Variants in SUZ12 observed in about 807,000 individuals in gnomAD.
SUZ12 encodes polycomb protein SUZ12.
A neutral mutation model predicts 87.3 loss-of-function variants in SUZ12; 17 were observed. That is an observed-to-expected ratio of 0.19 (90% confidence interval 0.13 to 0.29). The LOEUF (loss-of-function observed/expected upper bound fraction) is 0.29, where lower values mean the gene tolerates loss of function less well. Ranked by LOEUF, SUZ12 falls within the 10% of genes least tolerant of loss-of-function variation. The probability of loss-of-function intolerance (pLI) is 1.00; values close to 1 mark genes in which losing one functional copy is unlikely to be tolerated. For missense variants in SUZ12, 526 were observed against 912.2 expected (o/e 0.58, Z 5.45); for synonymous variants, 253 against 312.4 (o/e 0.81, Z 2.01).
intron 3 of SUZ12, among the ~76,000 whole-genome samples, chr17:31,942,504 T>A (rs1274074354): frequency 6.6e-6 from 1 of 151,916 alleles, no homozygotes; most frequent in Non-Finnish European, 1.5e-5. Flanking sequence ...CCTGGCTAAT[T>A]TTTTGTATTT....
At position 31,975,863 on chromosome 17, in the gene SUZ12, T is replaced by G. The variant is rs559880005; in HGVS notation, c.823+150T>G. The G allele has an allele frequency of 1.1e-5, 7 of 641,806 alleles. No homozygotes were observed. In the African/African-American group the frequency reaches 1.3e-4, roughly 12 times the overall value. 39.8% of individuals were successfully genotyped at this position (641,806 alleles called of 1,614,324 possible). A position where few individuals can be genotyped will look rare whatever the true frequency, so the allele number is the denominator to read the frequency against. On this transcript the variant is annotated intron_variant, in intron 7 of 15. Transcript: ENST00000322652. ...ACCTCAACATTTTGTTGTGCAAATT[T>G]TCAAACATAAAGGACAATGAGAAGT...
chr17:31,999,093 T>A lies in SUZ12; in HGVS notation c.*90T>A, dbSNP rs1000421702. The A allele has an allele frequency of 1.5e-5, 17 of 1,145,360 alleles. No homozygotes were observed. The South Asian group carries it at 3.1e-4, about 21-fold the overall frequency. 70.9% of individuals were successfully genotyped at this position (1,145,360 alleles called of 1,614,324 possible). A position where few individuals can be genotyped will look rare whatever the true frequency, so the allele number is the denominator to read the frequency against. On this transcript the variant is annotated 3_prime_UTR_variant, in exon 16 of 16. Transcript: ENST00000322652. ...AATTATGTTTTTGTTTTTAATCATA[T>A]GTTCCAAACAGGCACTGTTAGATGA...
At chr17:31,976,149 A>G (rs1306441183) in intron 7 of SUZ12, among the ~76,000 whole-genome samples, 2 of 152,022 alleles carry the variant, frequency 1.3e-5, no homozygotes, top group Admixed American at 1.3e-4. Context: ...ATTGCAGCAA[A>G]ATGATGAGTG....
At chr17:31,994,236 A>G (rs531840196) in intron 12 of SUZ12, 6 of 460,566 alleles carry the variant, frequency 1.3e-5, no homozygotes, top group Non-Finnish European at 2.3e-5. Flanking sequence ...CAGAGTTGAC[A>G]TATATTTGGA....
At chr17:31,938,683 T>G (rs927779763) in intron 1 of SUZ12, among the ~76,000 whole-genome samples, 12 of 152,220 alleles carry the variant, frequency 7.9e-5, no homozygotes, top group African/African-American at 2.9e-4. Context: ...TGAAGGGCAG[T>G]GGTGACAATA....
At chr17:31,941,195 G>A (rs927105917) in intron 3 of SUZ12, among the ~76,000 whole-genome samples, 2 of 148,866 alleles carry the variant, frequency 1.3e-5, no homozygotes, top group African/African-American at 2.5e-5. Flanking sequence ...TCCGCCTCCT[G>A]GGTTCATGCC....
chr17:31,993,156 TTTAATATTTAA>T, intron 10 of SUZ12, 75 bp from the exon 11 acceptor site: 1 of 795,552 alleles, frequency 1.3e-6, no homozygotes, highest in South Asian at 2.0e-5. Flanking sequence ...CTGTGAAACC[TTTAATATTTAA>T]TAGTTTTTGT....
intron 10 of SUZ12, among the ~76,000 whole-genome samples, chr17:31,989,518 A>G (rs1233600678): frequency 6.6e-6 from 1 of 152,190 alleles, no homozygotes; most frequent in Non-Finnish European, 1.5e-5. Flanking sequence ...CAAGAAAACT[A>G]TTGGTTTTCA....
At chr17:31,939,144 C>T (rs1056649) in intron 1 of SUZ12, among the ~76,000 whole-genome samples, 6 of 152,086 alleles carry the variant, frequency 3.9e-5, no homozygotes, top group Non-Finnish European at 7.4e-5. Context: ...GTTTTGTGAA[C>T]CTGTCAATTG....
intron 1 of SUZ12, 88 bp from the exon 2 acceptor site, chr17:31,940,198 G>A (rs973750440): frequency 1.9e-6 from 3 of 1,543,682 alleles, no homozygotes; most frequent in Admixed American, 2.2e-5. Flanking sequence ...CAGATGATAA[G>A]TTTATATTGA....
chr17:31,995,910 C>T, intron 14 of SUZ12, 148 bp downstream of exon 14: 1 of 706,140 alleles, frequency 1.4e-6, no homozygotes, highest in Non-Finnish European at 2.3e-6. Flanking sequence ...AAAATTATGT[C>T]ACTTTAAAAG....
intron 3 of SUZ12, among the ~76,000 whole-genome samples, chr17:31,945,233 C>T (rs939292700): frequency 6.6e-6 from 1 of 152,136 alleles, no homozygotes; most frequent in Admixed American, 6.5e-5. Flanking sequence ...CAGTGATTGT[C>T]GTTTCTCAAA....
In SUZ12 at chr17:31,988,910, A is replaced by G. The variant is rs566714405; in HGVS notation, c.1201+413A>G. Among the ~76,000 whole-genome samples, 11 of 151,728 alleles carry G rather than the reference A, an allele frequency of 7.2e-5. No homozygotes were observed. In the East Asian group the frequency reaches 2.0e-3, roughly 28 times the overall value. On this transcript the variant is annotated intron_variant, in intron 10 of 15. Coordinates refer to ENST00000322652, the MANE Select transcript of SUZ12 (RefSeq NM_015355.4). ...ACGGTGAAACACCGTCCCTACTAAA[A>G]ATACAAAAAAATTTAGCCAGGTGTG...
intron 3 of SUZ12, among the ~76,000 whole-genome samples, chr17:31,941,387 G>T (rs1230813531): frequency 6.6e-6 from 1 of 151,840 alleles, no homozygotes; most frequent in African/African-American, 2.4e-5. Flanking sequence ...TTCCCAAGTA[G>T]CTGGGGTTAC....
In SUZ12 at chr17:31,994,699, A is replaced by G. The variant is rs1302882419; in HGVS notation, c.1573A>G (p.Ile525Val). 31 of 1,613,846 alleles carry G rather than the reference A, an allele frequency of 1.9e-5. No homozygotes were observed. Among genetic ancestry groups the G allele is most frequent in the East Asian group, 2.2e-5 (1 of 44,894 alleles). The part of the protein sequence containing the change: ...SRNGPVKRTP[I>V]THILVCRPKR... ...CAACGGACCAGTTAAGAGAACACCTATCACACATATTCTTGTGTGCAGGTA... is the reference window on the plus strand; with the variant it reads ...CAACGGACCAGTTAAGAGAACACCTGTCACACATATTCTTGTGTGCAGGTA... Residue 525 changes from isoleucine (I) to valine (V), a missense_variant, in exon 13 of 16, where the codon ATC (isoleucine) becomes GTC (valine). Ile to Val is a conservative substitution (Grantham distance 29). Coordinates refer to ENST00000322652, the MANE Select transcript of SUZ12 (RefSeq NM_015355.4).
chr17:31,996,770 A>C (rs1324122248), intron 14 of SUZ12, 28 bp from the exon 15 acceptor site: 7 of 1,453,604 alleles, frequency 4.8e-6, no homozygotes, highest in Non-Finnish European at 5.5e-6. Context: ...ATATGTGTTT[A>C]ATAGGTGTTT....
chr17:31,945,788 A>G (rs1160366985), intron 3 of SUZ12, among the ~76,000 whole-genome samples: 1 of 152,192 alleles, frequency 6.6e-6, no homozygotes, highest in South Asian at 2.1e-4. Context: ...ATAAAGGTAG[A>G]AGAGATGAAC....
At chr17:31,949,585 C>T (rs974537320) in intron 4 of SUZ12, among the ~76,000 whole-genome samples, 1 of 145,736 alleles carries the variant, frequency 6.9e-6, no homozygotes, top group Non-Finnish European at 1.5e-5. Context: ...GCAACTGCCA[C>T]CTCCTGGATT....
chr17:31,954,268 G>T (rs1907166492), intron 4 of SUZ12, among the ~76,000 whole-genome samples: 4 of 151,982 alleles, frequency 2.6e-5, no homozygotes, highest in Admixed American at 2.0e-4. Context: ...TCACCATATT[G>T]GTCAGGCTGG....
Sources: allele counts gnomAD v4.1 joint callset (sites outside exome capture counted in the v4.1 genomes callset), GRCh38; gene constraint gnomAD v4.1.1; transcripts MANE v1.5; gene names NCBI Gene and HGNC (gene_info 2026-07-23, HGNC 2026-07-21).